TAFA1: variants seen among roughly 807,000 people sequenced by gnomAD.
TAFA1 encodes the protein TAFA chemokine like family member 1, also known as chemokine-like protein TAFA-1.
Under a neutral mutation model 18.5 loss-of-function variants are expected in TAFA1, and 4 were observed. That is an observed-to-expected ratio of 0.22 (90% CI 0.11 to 0.49). The LOEUF is 0.49. Ranked by LOEUF, TAFA1 falls within the 20% of genes least tolerant of loss-of-function variation. TAFA1 has a pLI of 0.98. For synonymous variants in TAFA1, 56 were observed against 55.2 expected (o/e 1.01, Z -0.06); for missense variants, 147 against 169.0 (o/e 0.87, Z 0.72).
At chr3:68,340,730 A>G (rs1487169353) in intron 2 of TAFA1, among the ~76,000 whole-genome samples, 1 of 152,186 alleles carries the variant, frequency 6.6e-6, no homozygotes, top group Non-Finnish European at 1.5e-5. Context: ...TCTCTAATTA[A>G]TTCAAGTACT....
chr3:68,133,355 T>A (rs1454362394), intron 2 of TAFA1, among the ~76,000 whole-genome samples: 1 of 152,204 alleles, frequency 6.6e-6, no homozygotes, highest in Non-Finnish European at 1.5e-5. Flanking sequence ...TATGGGCTCT[T>A]TTTTGGTTCC....
At chr3:68,312,709 G>A (rs1844889) in intron 2 of TAFA1, among the ~76,000 whole-genome samples, 8,029 of 152,224 alleles carry the variant, frequency 0.053, 704 homozygotes, top group African/African-American at 0.18. Context: ...ACATTTTCCT[G>A]TCTTATTCTG....
intron 3 of TAFA1, among the ~76,000 whole-genome samples, chr3:68,486,751 C>T (rs1004037487): frequency 2.0e-5 from 3 of 152,178 alleles, no homozygotes; most frequent in African/African-American, 7.2e-5. Flanking sequence ...AAAAGGTAAG[C>T]ATTCAGTTAA....
the TAFA1 span, among the ~76,000 whole-genome samples, chr3:67,998,127 A>G: frequency 0.016 from 2,461 of 152,322 alleles, 71 homozygotes; most frequent in African/African-American, 0.056. Flanking sequence ...GCATGTTTGG[A>G]AAAGTGTTAG....
chr3:68,024,401 T>G (rs1165809981), intron 2 of TAFA1, among the ~76,000 whole-genome samples: 1 of 152,146 alleles, frequency 6.6e-6, no homozygotes, highest in Admixed American at 6.6e-5. Context: ...GCAATATTTT[T>G]CCTCTCCCCC....
At chr3:68,364,740 C>G (rs1351430395) in intron 2 of TAFA1, among the ~76,000 whole-genome samples, 1 of 152,128 alleles carries the variant, frequency 6.6e-6, no homozygotes, top group Non-Finnish European at 1.5e-5. Context: ...CATTGAAATA[C>G]TCCTTCATAT....
chr3:68,193,546 A>G (rs1411353552), intron 2 of TAFA1, among the ~76,000 whole-genome samples: 6 of 151,770 alleles, frequency 4.0e-5, no homozygotes, highest in African/African-American at 1.4e-4. Context: ...TCAACAACAG[A>G]GAATTGAACA....
chr3:68,490,785 A>T (rs1368737364), intron 3 of TAFA1, among the ~76,000 whole-genome samples: 1 of 150,446 alleles, frequency 6.6e-6, no homozygotes, highest in African/African-American at 2.5e-5. Flanking sequence ...ATATCAACAG[A>T]TATCAATAGA....
intron 2 of TAFA1, among the ~76,000 whole-genome samples, chr3:68,408,385 G>A (rs1041848909): frequency 6.6e-6 from 1 of 152,004 alleles, no homozygotes; most frequent in African/African-American, 2.4e-5. Flanking sequence ...GTTATGACTC[G>A]ATCCCCAACC....
intron 2 of TAFA1, among the ~76,000 whole-genome samples, chr3:68,095,806 C>A (rs1320769862): frequency 6.6e-6 from 1 of 152,002 alleles, no homozygotes; most frequent in Non-Finnish European, 1.5e-5. Flanking sequence ...GTATGTTTAA[C>A]TTTACTTGTT....
At chr3:68,510,614 A>T (rs2106728461) in intron 3 of TAFA1, among the ~76,000 whole-genome samples, 1 of 152,274 alleles carries the variant, frequency 6.6e-6, no homozygotes, top group South Asian at 2.1e-4. Context: ...ATTGCTAAAT[A>T]GGTTATATTG....
At chr3:68,113,808 C>T (rs1338728248) in intron 2 of TAFA1, among the ~76,000 whole-genome samples, 1 of 150,818 alleles carries the variant, frequency 6.6e-6, no homozygotes, top group Non-Finnish European at 1.5e-5. Context: ...CAGTAACTCT[C>T]ATCAAAAGGT....
intron 2 of TAFA1, among the ~76,000 whole-genome samples, chr3:68,080,444 G>A (rs1272544297): frequency 6.6e-6 from 1 of 152,002 alleles, no homozygotes; most frequent in Non-Finnish European, 1.5e-5. Context: ...TTTTGCAATG[G>A]CTGGTACCGG....
intron 2 of TAFA1, among the ~76,000 whole-genome samples, chr3:68,156,716 T>C (rs1025919544): frequency 2.6e-5 from 4 of 151,990 alleles, no homozygotes; most frequent in Non-Finnish European, 5.9e-5. Flanking sequence ...AACAGCATCA[T>C]TTTCATCTTT....
chr3:68,274,344 C>T (rs1323924851), intron 2 of TAFA1, among the ~76,000 whole-genome samples: 1 of 152,076 alleles, frequency 6.6e-6, no homozygotes, highest in Non-Finnish European at 1.5e-5. Flanking sequence ...CTCTCCAAAC[C>T]CCATCCAACA....
chr3:68,404,862 G>C (rs531230945), intron 2 of TAFA1, among the ~76,000 whole-genome samples: 6 of 151,576 alleles, frequency 4.0e-5, no homozygotes, highest in African/African-American at 1.5e-4. Flanking sequence ...GGCTCAGCAA[G>C]AGGACCAACT....
intron 2 of TAFA1, among the ~76,000 whole-genome samples, chr3:68,375,504 C>T (rs72626997): frequency 0.028 from 4,250 of 152,180 alleles, 83 homozygotes; most frequent in East Asian, 0.092. Context: ...TTAAGGAAGT[C>T]GTGATCTATA....
intron 2 of TAFA1, among the ~76,000 whole-genome samples, chr3:68,011,913 A>G (rs2106779165): frequency 6.6e-6 from 1 of 152,354 alleles, no homozygotes; most frequent in Middle Eastern, 3.4e-3. Flanking sequence ...ATGAACTTAT[A>G]AGAAAATTAT....
At chr3:68,542,567 A>G (rs2073394527) in intron 4 of TAFA1, among the ~76,000 whole-genome samples, 1 of 152,122 alleles carries the variant, frequency 6.6e-6, no homozygotes, top group East Asian at 1.9e-4. Flanking sequence ...TCAGAGATGT[A>G]AAACTGAAAA....
Sources: gnomAD v4.1 joint callset for allele counts (sites outside exome capture counted in the v4.1 genomes callset) on GRCh38, gnomAD v4.1.1 for gene constraint, MANE v1.5 for transcripts, NCBI Gene and HGNC (gene_info 2026-07-23, HGNC 2026-07-21) for gene names.